The following GKAP1 variants were observed in gnomAD, a reference collection of about 807,000 sequenced individuals.
GKAP1 encodes G kinase anchoring protein 1.
GKAP1 carries 31 observed loss-of-function variants against 56.7 expected under a neutral mutation model. The observed-to-expected ratio is 0.55, with a 90% CI of 0.41 to 0.74. GKAP1 has a LOEUF of 0.74. GKAP1 is among the 30% of genes least tolerant of loss of function. The pLI is 0.00. For synonymous variants in GKAP1, 151 were observed against 138.6 expected (o/e 1.09, Z -0.63); for missense variants, 364 against 402.3 (o/e 0.90, Z 0.82).
Position 83,768,866 on chromosome 9 carries a change from A to G in GKAP1, c.690T>C (p.Leu230=). ...ILIREKRREQ[L]TEYNGTDNCT... is the part of the protein sequence containing the mutation. ...AATTATCTGTTCCATTATATTCTGTAAGCTGTTCTCTTCGTTTTTCTCTAA... is the reference window on the plus strand; with the variant it reads ...AATTATCTGTTCCATTATATTCTGTGAGCTGTTCTCTTCGTTTTTCTCTAA... The change falls in exon 8 of 13, where the codon CTT becomes CTC. Residue 230 remains leucine, a synonymous_variant. Transcript: ENST00000376371. 3 of 1,612,650 alleles carry G rather than the reference A, an allele frequency of 1.9e-6. No individual in the cohort carries two copies. The highest frequency in any genetic ancestry group is 2.5e-6 in the Non-Finnish European group (3 of 1,179,406).
At chr9:83,813,602 T>C (rs1196410482) in intron 2 of GKAP1, among the ~76,000 whole-genome samples, 1 of 152,122 alleles carries the variant, frequency 6.6e-6, no homozygotes, top group African/African-American at 2.4e-5. Flanking sequence ...AAATAAATGA[T>C]AAAACTAATT....
At chr9:83,799,761 C>G (rs978325134) in intron 3 of GKAP1, among the ~76,000 whole-genome samples, 4 of 152,082 alleles carry the variant, frequency 2.6e-5, no homozygotes, top group Non-Finnish European at 5.9e-5. Context: ...TGAGACCAGC[C>G]TCAGAAATGT....
intron 7 of GKAP1, among the ~76,000 whole-genome samples, chr9:83,779,358 A>G (rs1943914359): frequency 6.6e-6 from 1 of 150,496 alleles, no homozygotes; most frequent in Non-Finnish European, 1.5e-5. Flanking sequence ...ATTTTTTTTA[A>G]GAGATAGATT....
intron 3 of GKAP1, among the ~76,000 whole-genome samples, chr9:83,805,633 T>C (rs1944426766): frequency 6.6e-6 from 1 of 152,074 alleles, no homozygotes; most frequent in Non-Finnish European, 1.5e-5. Context: ...TTCATTTAAG[T>C]ATTAGAAGGA....
chr9:83,806,015 G>A (rs1227403064), intron 3 of GKAP1, among the ~76,000 whole-genome samples: 1 of 152,078 alleles, frequency 6.6e-6, no homozygotes, highest in African/African-American at 2.4e-5. Flanking sequence ...TACTTGGGAG[G>A]CTAAGGTGTG....
chr9:83,754,396 T>C (rs1943441007), intron 8 of GKAP1, among the ~76,000 whole-genome samples: 1 of 152,238 alleles, frequency 6.6e-6, no homozygotes, highest in African/African-American at 2.4e-5. Context: ...AACATCAATG[T>C]AGTACTCTAC....
chr9:83,767,322 A>G (rs1448335739), intron 8 of GKAP1, among the ~76,000 whole-genome samples: 1 of 151,960 alleles, frequency 6.6e-6, no homozygotes, highest in African/African-American at 2.4e-5. Flanking sequence ...CCAACAACAA[A>G]CATCTTAGAC....
In GKAP1 at chr9:83,796,757, G is replaced by A. The variant is rs145637940; in HGVS notation, c.360+2428C>T. ...GCTGGGATTACAGGTGTGAGCCACC[G>A]CACCCGGCCCCATCTCAGTTTTAAT... On this transcript the variant is annotated intron_variant, in intron 4 of 12. Coordinates refer to ENST00000376371, the MANE Select transcript of GKAP1 (RefSeq NM_025211.4). Among the ~76,000 whole-genome samples, 1,217 of 152,078 alleles carry A rather than the reference G, an allele frequency of 8.0e-3. 31 individuals carry two copies. Among genetic ancestry groups the A allele is most frequent in the East Asian group, 0.037 (190 of 5,162 alleles).
chr9:83,789,759 C>T (rs1944124210), intron 4 of GKAP1, among the ~76,000 whole-genome samples: 1 of 114,654 alleles, frequency 8.7e-6, no homozygotes, highest in Admixed American at 1.1e-4. Flanking sequence ...ATTTTGAGAA[C>T]AAAGGAAAAG....
At chr9:83,797,508 A>G (rs1944266709) in intron 4 of GKAP1, among the ~76,000 whole-genome samples, 1 of 152,084 alleles carries the variant, frequency 6.6e-6, no homozygotes, top group Admixed American at 6.5e-5. Context: ...CAGTGTAATT[A>G]TCCCAAGATC....
chr9:83,814,921 C>T (rs1206669249), intron 2 of GKAP1, among the ~76,000 whole-genome samples: 3 of 152,202 alleles, frequency 2.0e-5, no homozygotes, highest in Non-Finnish European at 1.5e-5. Context: ...CGCCTGTAAT[C>T]CCAGCACTTT....
intron 8 of GKAP1, among the ~76,000 whole-genome samples, chr9:83,758,276 C>T (rs191398193): frequency 1.3e-3 from 194 of 152,212 alleles, no homozygotes; most frequent in Non-Finnish European, 2.3e-3. Context: ...CAATTCTAAA[C>T]AATGTTCAAT....
intron 4 of GKAP1, among the ~76,000 whole-genome samples, chr9:83,789,543 T>C (rs1300197546): frequency 6.6e-6 from 1 of 152,198 alleles, no homozygotes; most frequent in Non-Finnish European, 1.5e-5. Flanking sequence ...TGGGCATCTC[T>C]TGTTTTTATC....
At position 83,805,061 on chromosome 9, in the gene GKAP1, A is replaced by G. The variant is rs374287874; in HGVS notation, c.216+1241T>C. On this transcript the variant is annotated intron_variant, in intron 3 of 12. Coordinates refer to ENST00000376371, the MANE Select transcript of GKAP1 (RefSeq NM_025211.4). ...GGTGGGGAAAAGATTGAGAAATCGG[A>G]TGGTTGCCGTGTCTGTGTAGAAAGA... is the stretch of plus-strand genomic sequence containing the variant. Among the ~76,000 whole-genome samples the G allele has an allele frequency of 1.2e-4, 18 of 152,298 alleles. No individual in the cohort carries two copies. The East Asian group carries it at 3.5e-3, about 29-fold the overall frequency.
chr9:83,771,704 A>C (rs1406799504), intron 7 of GKAP1, among the ~76,000 whole-genome samples: 1 of 152,166 alleles, frequency 6.6e-6, no homozygotes, highest in Non-Finnish European at 1.5e-5. Context: ...TACAGGCATA[A>C]CTCTAAAATT....
At chr9:83,762,180 T>C (rs961915510) in intron 8 of GKAP1, among the ~76,000 whole-genome samples, 1 of 151,994 alleles carries the variant, frequency 6.6e-6, no homozygotes, top group African/African-American at 2.4e-5. Context: ...AAAAAACTAT[T>C]AGAACCTGAT....
At chr9:83,741,289 A>G (rs1161859935) in intron 12 of GKAP1, among the ~76,000 whole-genome samples, 4 of 151,906 alleles carry the variant, frequency 2.6e-5, no homozygotes, top group Admixed American at 2.6e-4. Context: ...TTTTTTGGCT[A>G]TGATTCCAGT....
intron 8 of GKAP1, among the ~76,000 whole-genome samples, chr9:83,759,463 T>C (rs148951171): frequency 2.0e-5 from 3 of 151,952 alleles, no homozygotes; most frequent in African/African-American, 7.3e-5. Context: ...TTAAAAAAAA[T>C]TTATATGAAT....
chr9:83,783,183 C>G (rs1215939450), intron 6 of GKAP1, among the ~76,000 whole-genome samples: 1 of 151,954 alleles, frequency 6.6e-6, no homozygotes, highest in East Asian at 1.9e-4. Flanking sequence ...AATATTTATC[C>G]TCACAGAACA....
Sources: allele counts gnomAD v4.1 joint callset (sites outside exome capture counted in the v4.1 genomes callset), GRCh38; gene constraint gnomAD v4.1.1; transcripts MANE v1.5; gene names NCBI Gene and HGNC (gene_info 2026-07-23, HGNC 2026-07-21).